The following CCDC144A variants were observed in gnomAD, a reference collection of about 807,000 sequenced individuals.
The protein encoded by CCDC144A is coiled-coil domain containing 144A.
In CCDC144A, 41 loss-of-function variants were observed where a neutral mutation model predicts 143.8. That is an observed-to-expected ratio of 0.29 (90% confidence interval 0.22 to 0.37). CCDC144A has a LOEUF of 0.37. Ranked by LOEUF, CCDC144A falls within the 10% of genes least tolerant of loss-of-function variation. The probability of loss-of-function intolerance (pLI) is 1.00; values close to 1 mark genes in which losing one functional copy is unlikely to be tolerated. For synonymous variants in CCDC144A, 242 were observed against 517.9 expected, an observed-to-expected ratio of 0.47 and a Z score of 7.23; for missense variants, 637 against 1,488.8, an observed-to-expected ratio of 0.43 and a Z score of 9.41.
the CCDC144A span, chr17:16,683,884 C>T: frequency 4.4e-6 from 6 of 1,355,566 alleles, no homozygotes; most frequent in Admixed American, 5.0e-5. Flanking sequence ...TCGTCGTCTA[C>T]GCTGATGGCT....
In CCDC144A at chr17:16,734,323, C is replaced by CT. The variant is rs532260444; in HGVS notation, c.2419-363dup. Among the ~76,000 whole-genome samples, 584 of 152,174 alleles carry CT rather than the reference C, an allele frequency of 3.8e-3. 6 individuals carry two copies. The highest frequency in any genetic ancestry group is 0.013 in the African/African-American group (556 of 41,504). On this transcript the variant is annotated intron_variant, in intron 11 of 16. Transcript: ENST00000399273. Reference sequence around the variant, plus strand: ...TGTCCAGATATATGCAAAGCTACAGCTTTTACTATAGGGTGGTGTATAGGT... The same window carrying CT: ...TGTCCAGATATATGCAAAGCTACAGCTTTTTACTATAGGGTGGTGTATAGGT...
intron 6 of CCDC144A, among the ~76,000 whole-genome samples, chr17:16,713,760 T>C (rs1283848131): frequency 1.3e-5 from 2 of 152,174 alleles, no homozygotes; most frequent in African/African-American, 4.8e-5. Context: ...AAAAAAACTT[T>C]TAAAGGGTAA....
the CCDC144A span, among the ~76,000 whole-genome samples, chr17:16,667,329 A>AGGCTGAGGCGGCTGAGGGGCTGAGG: frequency 9.3e-6 from 1 of 107,864 alleles, no homozygotes; most frequent in Non-Finnish European, 2.1e-5. Flanking sequence ...GAGGCTGAGG[A>AGGCTGAGGCGGCTGAGGGGCTGAGG]GGCTGAGGCG....
At chr17:16,667,304 G>A in the CCDC144A span, among the ~76,000 whole-genome samples, 1 of 143,754 alleles carries the variant, frequency 7.0e-6, no homozygotes, top group African/African-American at 2.5e-5. Context: ...CGGCTGAGGC[G>A]GCTGAGGGGC....
intron 12 of CCDC144A, among the ~76,000 whole-genome samples, chr17:16,749,786 A>T: frequency 6.6e-6 from 1 of 152,170 alleles, no homozygotes; most frequent in Admixed American, 6.5e-5. Flanking sequence ...TTGGGTGGGT[A>T]TGTATTTAGG....
the CCDC144A span, among the ~76,000 whole-genome samples, chr17:16,667,300 AGGC>A: frequency 1.4e-5 from 2 of 147,488 alleles, no homozygotes; most frequent in African/African-American, 5.0e-5. Flanking sequence ...GAGGCGGCTG[AGGC>A]GGCTGAGGGG....
At chr17:16,746,813 C>T in intron 12 of CCDC144A, 1 of 1,294,658 alleles carries the variant, frequency 7.7e-7, no homozygotes, top group South Asian at 1.2e-5. Flanking sequence ...ACAAGGAGCT[C>T]AAAAGGCACC....
At chr17:16,680,261 C>T in the CCDC144A span, among the ~76,000 whole-genome samples, 1 of 151,882 alleles carries the variant, frequency 6.6e-6, no homozygotes, top group South Asian at 2.1e-4. Context: ...AACCCCATCT[C>T]TCCAAAAAAT....
At chr17:16,750,581 C>T (rs1264005706) in intron 12 of CCDC144A, among the ~76,000 whole-genome samples, 2 of 151,700 alleles carry the variant, frequency 1.3e-5, no homozygotes, top group Non-Finnish European at 1.5e-5. Flanking sequence ...ATTTTTCCAT[C>T]GACCTCTGTA....
At chr17:16,761,934 T>C (rs1915394419) in intron 13 of CCDC144A, among the ~76,000 whole-genome samples, 1 of 152,250 alleles carries the variant, frequency 6.6e-6, no homozygotes. Flanking sequence ...CACTAGAGAA[T>C]CATTTAATTA....
intron 2 of CCDC144A, chr17:16,695,566 C>G (rs902144638): frequency 2.0e-5 from 3 of 152,140 alleles, no homozygotes; most frequent in Non-Finnish European, 4.4e-5. Context: ...TGCCACTGCA[C>G]TTGTGTCTGG....
Position 16,735,011 on chromosome 17 carries a change from G to A in CCDC144A, c.2740G>A (p.Glu914Lys). The A allele has an allele frequency of 1.2e-6, 2 of 1,611,662 alleles. No individual in the cohort carries two copies. Among genetic ancestry groups the A allele is most frequent in the Non-Finnish European group, 1.7e-6 (2 of 1,179,516 alleles). ...QNQERLEIEM[E>K]SYRCRLAAAV... Reference sequence around the variant, plus strand: ...CCAAGAAAGACTAGAAATAGAAATGGAATCATACCGTTGTAGACTAGCTGC... The same window carrying A: ...CCAAGAAAGACTAGAAATAGAAATGAAATCATACCGTTGTAGACTAGCTGC... Residue 914 changes from glutamate to lysine, a missense_variant, in exon 12 of 17, where the codon GAA becomes AAA. Glu to Lys is a moderately conservative substitution (Grantham distance 56). Transcript: ENST00000399273.
the CCDC144A span, among the ~76,000 whole-genome samples, chr17:16,670,349 G>A: frequency 3.9e-4 from 50 of 129,858 alleles, no homozygotes; most frequent in Non-Finnish European, 6.5e-4. Flanking sequence ...GTGCAATGGC[G>A]TGATCTTGGC....
intron 12 of CCDC144A, among the ~76,000 whole-genome samples, chr17:16,749,816 G>A (rs1400071146): frequency 6.6e-6 from 1 of 152,196 alleles, no homozygotes; most frequent in Non-Finnish European, 1.5e-5. Flanking sequence ...TCTTCTTGGC[G>A]AAGTGAATCC....
chr17:16,687,584 C>T (rs1910827180), upstream of CCDC144A, among the ~76,000 whole-genome samples: 1 of 152,180 alleles, frequency 6.6e-6, no homozygotes, highest in Admixed American at 6.5e-5. Flanking sequence ...TTCCCTGCTG[C>T]CCACGAACAT....
In CCDC144A at chr17:16,709,509, C is replaced by G; in HGVS notation, c.1452C>G (p.Asp484Glu). The change falls in exon 5 of 17, where the codon GAC becomes GAG. Residue 484 changes from aspartate to glutamate, a missense_variant. By Grantham distance (45) the Asp-to-Glu change is conservative. Coordinates refer to ENST00000399273, the MANE Select transcript of CCDC144A (RefSeq NM_001382000.1). The part of the protein sequence containing the change: ...ENLSSLPPDS[D>E]RTSEVYLHEE... ...TGAGTTCTTTACCACCAGATTCTGA[C>G]AGAACATCAGAAGTATATCTACATG... 6.2e-7 allele frequency: 1 copy of G among 1,611,548 alleles called. No homozygotes were observed. The highest frequency in any genetic ancestry group is 8.5e-7 in the Non-Finnish European group (1 of 1,179,606).
chr17:16,674,572 A>G, the CCDC144A span, among the ~76,000 whole-genome samples: 1 of 151,136 alleles, frequency 6.6e-6, no homozygotes, highest in Non-Finnish European at 1.5e-5. Flanking sequence ...AGGGAGGGAA[A>G]GAGAAAGAAA....
chr17:16,670,336 G>A, the CCDC144A span, among the ~76,000 whole-genome samples: 3 of 139,732 alleles, frequency 2.1e-5, no homozygotes, highest in Non-Finnish European at 3.1e-5. Flanking sequence ...CACCCAGGCT[G>A]GAGTGCAATG....
intron 13 of CCDC144A, 92 bp downstream of exon 13, chr17:16,761,810 T>C (rs548820102): frequency 7.9e-7 from 1 of 1,269,442 alleles, no homozygotes; most frequent in African/African-American, 1.6e-5. Context: ...CTACTTTCCT[T>C]ACAGCAATTT....
Sources: allele counts gnomAD v4.1 joint callset (sites outside exome capture counted in the v4.1 genomes callset), GRCh38; gene constraint gnomAD v4.1.1; transcripts MANE v1.5; gene names NCBI Gene and HGNC (gene_info 2026-07-23, HGNC 2026-07-21).